FGF14: variants seen among roughly 807,000 people sequenced by gnomAD.
The protein encoded by FGF14 is fibroblast growth factor 14, also known as fibroblast growth factor homologous factor 4.
Under a neutral mutation model 25.5 loss-of-function variants are expected in FGF14, and 5 were observed. That is an observed-to-expected ratio of 0.20 (90% CI 0.10 to 0.41). The LOEUF (loss-of-function observed/expected upper bound fraction) is 0.41. Ranked by LOEUF, FGF14 falls within the 10% of genes least tolerant of loss-of-function variation. The probability of loss-of-function intolerance (pLI) is 1.00; values close to 1 mark genes in which losing one functional copy is unlikely to be tolerated. For synonymous variants in FGF14, 138 were observed against 118.3 expected (o/e 1.17, Z -1.08); for missense variants, 222 against 320.1 (o/e 0.69, Z 2.34).
chr13:101,898,079 G>C (rs1410022694), intron 1 of FGF14, among the ~76,000 whole-genome samples: 1 of 151,722 alleles, frequency 6.6e-6, no homozygotes, highest in East Asian at 1.9e-4. Flanking sequence ...ATTTTTAGTA[G>C]AGACAAGTTT....
Position 101,774,874 on chromosome 13 carries a change from G to A in FGF14, c.409-48064C>T, listed in dbSNP as rs562256629. 2.7e-5 allele frequency among the ~76,000 whole-genome samples: 4 copies of A among 149,262 alleles called. No individual in the cohort carries two copies. In the South Asian group the frequency reaches 8.5e-4, roughly 32 times the overall value. ...TCAAAACCAGACTGGCCAACATGGT[G>A]AAACCGTGTCTCTACTAAAAATACA... is the stretch of plus-strand genomic sequence containing the variant. On this transcript the variant is annotated intron_variant, in intron 3 of 4. Coordinates refer to ENST00000376143, the MANE Select transcript of FGF14 (RefSeq NM_004115.4).
chr13:102,149,218 A>C (rs1163949822), intron 1 of FGF14, among the ~76,000 whole-genome samples: 1 of 151,848 alleles, frequency 6.6e-6, no homozygotes, highest in Non-Finnish European at 1.5e-5. Context: ...ATATTTATTA[A>C]AATAATTATA....
At position 102,181,816 on chromosome 13, in the gene FGF14, A is replaced by G. The variant is rs543973739; in HGVS notation, c.208+219655T>C. On this transcript the variant is annotated intron_variant, in intron 1 of 4. Coordinates refer to the FGF14 transcript ENST00000376131. ...CCAAATCCCTTTTACCATGTCAGGT[A>G]ATGTATTCACAGGTTCTGGGGATTA... is the stretch of plus-strand genomic sequence containing the variant. 8.5e-4 allele frequency among the ~76,000 whole-genome samples: 130 copies of G among 152,260 alleles called. 4 individuals are homozygous for G. In the South Asian group the frequency reaches 0.026, roughly 30 times the overall value.
chr13:102,090,517 G>A (rs1377940577), intron 1 of FGF14, among the ~76,000 whole-genome samples: 1 of 152,170 alleles, frequency 6.6e-6, no homozygotes, highest in African/African-American at 2.4e-5. Flanking sequence ...GTTTACTGCT[G>A]TAGAAGCTCG....
intron 1 of FGF14, among the ~76,000 whole-genome samples, chr13:102,228,310 G>T (rs1292044831): frequency 6.6e-6 from 1 of 152,170 alleles, no homozygotes; most frequent in African/African-American, 2.4e-5. Context: ...GTGGTAGGGG[G>T]TGCCATTTAG....
Position 101,717,083 on chromosome 13 carries a change from G to A in FGF14, c.*5748C>T, listed in dbSNP as rs536395653. 11 of 151,576 alleles carry A rather than the reference G, an allele frequency of 7.3e-5. No homozygotes were observed. The highest frequency in any genetic ancestry group is 7.4e-5 in the Non-Finnish European group (5 of 67,876). The allele number at this position is 151,576 out of a possible 1,614,324, so 9.4% of individuals were successfully genotyped here. A position where few individuals can be genotyped will look rare whatever the true frequency, so the allele number is the denominator to read the frequency against. On this transcript the variant is annotated 3_prime_UTR_variant, in exon 5 of 5. Coordinates refer to ENST00000376143, the MANE Select transcript of FGF14 (RefSeq NM_004115.4). ...AGAATAATGTAGCAAAATCATTTCC[G>A]TATTACTTTAAGATGAAAATTTTTA...
chr13:101,916,344 G>T, intron 1 of FGF14, 109 bp downstream of exon 1: 1 of 1,357,822 alleles, frequency 7.4e-7, no homozygotes, highest in Non-Finnish European at 1.0e-6. Context: ...GGGAGGCCGG[G>T]GCCGGGGTGG....
intron 1 of FGF14, among the ~76,000 whole-genome samples, chr13:102,384,888 A>G: frequency 6.6e-6 from 1 of 152,198 alleles, no homozygotes; most frequent in East Asian, 1.9e-4. Context: ...ACAAACAAAC[A>G]AAATAAACAA....
intron 1 of FGF14, among the ~76,000 whole-genome samples, chr13:101,915,770 G>GC (rs1287118484): frequency 6.6e-6 from 1 of 152,050 alleles, no homozygotes; most frequent in Non-Finnish European, 1.5e-5. Context: ...TTTTACTTCT[G>GC]CCCCCCGCTC....
chr13:102,192,487 C>G (rs1341564776), intron 1 of FGF14, among the ~76,000 whole-genome samples: 1 of 152,136 alleles, frequency 6.6e-6, no homozygotes. Context: ...AGGCTGAAAA[C>G]TTTCCAAATC....
At chr13:102,082,972 A>G (rs957724371) in intron 1 of FGF14, among the ~76,000 whole-genome samples, 2 of 152,162 alleles carry the variant, frequency 1.3e-5, no homozygotes, top group African/African-American at 4.8e-5. Flanking sequence ...AAAAGAAAAA[A>G]AGAGTACTTT....
intron 1 of FGF14, among the ~76,000 whole-genome samples, chr13:102,245,338 G>T (rs74109563): frequency 0.027 from 4,036 of 152,160 alleles, 172 homozygotes; most frequent in African/African-American, 0.092. Flanking sequence ...GAAAACGTTA[G>T]AGAACAATTA....
At chr13:101,766,103 G>A (rs892942443) in intron 3 of FGF14, among the ~76,000 whole-genome samples, 26 of 152,098 alleles carry the variant, frequency 1.7e-4, no homozygotes, top group Non-Finnish European at 3.5e-4. Flanking sequence ...TTGGAAAACC[G>A]GGCTTAATAA....
At chr13:102,108,540 T>A (rs1299450662) in intron 1 of FGF14, among the ~76,000 whole-genome samples, 1 of 152,230 alleles carries the variant, frequency 6.6e-6, no homozygotes, top group Non-Finnish European at 1.5e-5. Context: ...CTAAAGATTC[T>A]TAGCCTCTGA....
chr13:101,907,683 A>T (rs2032411926), intron 1 of FGF14, among the ~76,000 whole-genome samples: 1 of 152,194 alleles, frequency 6.6e-6, no homozygotes, highest in Non-Finnish European at 1.5e-5. Flanking sequence ...ATAGCTAGAG[A>T]GAAATGCATA....
At chr13:101,979,923 A>G (rs1249960404) in intron 1 of FGF14, among the ~76,000 whole-genome samples, 1 of 152,210 alleles carries the variant, frequency 6.6e-6, no homozygotes, top group Non-Finnish European at 1.5e-5. Context: ...AAATGCAAAC[A>G]CTAGATTCCC....
intron 1 of FGF14, among the ~76,000 whole-genome samples, chr13:102,151,008 G>A (rs529723730): frequency 1.3e-5 from 2 of 152,246 alleles, no homozygotes; most frequent in African/African-American, 4.8e-5. Flanking sequence ...TAGATAATGG[G>A]GTTATGAAGA....
intron 3 of FGF14, among the ~76,000 whole-genome samples, chr13:101,851,810 A>G (rs1250861670): frequency 6.6e-5 from 10 of 152,120 alleles, no homozygotes; most frequent in Non-Finnish European, 1.5e-4. Flanking sequence ...AAGAAAACCA[A>G]GGCATTTGCT....
intron 1 of FGF14, among the ~76,000 whole-genome samples, chr13:102,323,120 G>T (rs141308726): frequency 2.0e-5 from 3 of 152,056 alleles, no homozygotes; most frequent in African/African-American, 7.2e-5. Context: ...CCAAGTGTAA[G>T]GTTAAAAAAG....
Sources: allele counts gnomAD v4.1 joint callset (sites outside exome capture counted in the v4.1 genomes callset), GRCh38; gene constraint gnomAD v4.1.1; transcripts MANE v1.5; gene names NCBI Gene and HGNC (gene_info 2026-07-23, HGNC 2026-07-21).